ATOSA: variants seen among roughly 807,000 people sequenced by gnomAD.
ATOSA encodes the protein atos homolog A.
chr15:52,610,577 T>C, the ATOSA span, among the ~76,000 whole-genome samples: 1 of 152,240 alleles, frequency 6.6e-6, no homozygotes, highest in Non-Finnish European at 1.5e-5. Context: ...TAGCTTATGC[T>C]TGGAAGAGAT....
the ATOSA span, among the ~76,000 whole-genome samples, chr15:52,632,720 G>T: frequency 2.6e-5 from 4 of 152,106 alleles, no homozygotes; most frequent in African/African-American, 9.7e-5. Context: ...ATGGTCAGAA[G>T]ACATTCTTAG....
chr15:52,653,531 C>A, the ATOSA span, among the ~76,000 whole-genome samples: 4 of 152,078 alleles, frequency 2.6e-5, no homozygotes, highest in African/African-American at 9.7e-5. Flanking sequence ...GTAGGTGACT[C>A]AGAGAAAGAA....
the ATOSA span, chr15:52,584,772 C>T: frequency 4.3e-6 from 7 of 1,613,364 alleles, no homozygotes; most frequent in Non-Finnish European, 5.9e-6. Flanking sequence ...GCGTAATAAC[C>T]GTTCTTCTGT....
At chr15:52,669,000 G>A in the ATOSA span, among the ~76,000 whole-genome samples, 1 of 151,706 alleles carries the variant, frequency 6.6e-6, no homozygotes, top group Middle Eastern at 3.4e-3. Context: ...CCGCCTCCCC[G>A]GTTCACGCCA....
At chr15:52,706,303 C>G in the ATOSA span, among the ~76,000 whole-genome samples, 9 of 152,134 alleles carry the variant, frequency 5.9e-5, no homozygotes, top group African/African-American at 2.2e-4. Context: ...AGAACTAATC[C>G]AACCAATTTG....
chr15:52,615,232 T>C, the ATOSA span, among the ~76,000 whole-genome samples: 65 of 152,086 alleles, frequency 4.3e-4, no homozygotes, highest in Non-Finnish European at 5.1e-4. Context: ...AATCTGTGGA[T>C]TTTTTTCACG....
At chr15:52,590,593 G>A in the ATOSA span, 1 of 152,302 alleles carries the variant, frequency 6.6e-6, no homozygotes, top group African/African-American at 2.4e-5. Context: ...TATTATAAGA[G>A]TAACAAGTGT....
At chr15:52,630,284 A>T in the ATOSA span, among the ~76,000 whole-genome samples, 1 of 152,230 alleles carries the variant, frequency 6.6e-6, no homozygotes, top group Non-Finnish European at 1.5e-5. Context: ...CACAGGCATT[A>T]CGAAGGTTCC....
the ATOSA span, chr15:52,593,602 A>T: frequency 6.4e-7 from 1 of 1,573,880 alleles, no homozygotes; most frequent in Non-Finnish European, 8.6e-7. Flanking sequence ...GAGCATTGTC[A>T]TCTGAAACAC....
At chr15:52,651,191 C>G in the ATOSA span, among the ~76,000 whole-genome samples, 1 of 152,116 alleles carries the variant, frequency 6.6e-6, no homozygotes, top group African/African-American at 2.4e-5. Context: ...TGTATGTTGT[C>G]TTCAAAATCC....
the ATOSA span, among the ~76,000 whole-genome samples, chr15:52,642,901 C>G: frequency 4.1e-4 from 63 of 152,300 alleles, no homozygotes; most frequent in Non-Finnish European, 2.9e-5. Context: ...CTACTGGGCT[C>G]AAATCATCTT....
At chr15:52,651,796 C>T in the ATOSA span, 3 of 1,420,400 alleles carry the variant, frequency 2.1e-6, no homozygotes, top group Non-Finnish European at 1.9e-6. Flanking sequence ...GCAAGCACCA[C>T]AGCCAACTGG....
the ATOSA span, among the ~76,000 whole-genome samples, chr15:52,666,680 C>T: frequency 2.0e-5 from 3 of 152,260 alleles, no homozygotes; most frequent in East Asian, 5.8e-4. Context: ...AGTGTTCATT[C>T]AACACTAAAC....
the ATOSA span, chr15:52,709,622 C>G: frequency 6.5e-6 from 1 of 152,684 alleles, no homozygotes; most frequent in African/African-American, 2.4e-5. Flanking sequence ...CCTGCACTTG[C>G]TAGCCCCTTT....
the ATOSA span, among the ~76,000 whole-genome samples, chr15:52,588,049 G>C: frequency 1.3e-5 from 2 of 152,216 alleles, no homozygotes; most frequent in African/African-American, 4.8e-5. Flanking sequence ...CATGTCACTA[G>C]AGAAGTCTAA....
chr15:52,655,614 G>T, the ATOSA span, among the ~76,000 whole-genome samples: 1 of 152,146 alleles, frequency 6.6e-6, no homozygotes, highest in Non-Finnish European at 1.5e-5. Context: ...TTGGTATGTT[G>T]TAAGGATAAA....
chr15:52,660,879 C>T, the ATOSA span, among the ~76,000 whole-genome samples: 276 of 152,310 alleles, frequency 1.8e-3, 4 homozygotes, highest in Non-Finnish European at 1.5e-3. Flanking sequence ...GTCTCAAACT[C>T]CCAACCTCAG....
chr15:52,622,437 T>G, the ATOSA span, among the ~76,000 whole-genome samples: 1 of 152,190 alleles, frequency 6.6e-6, no homozygotes, highest in Non-Finnish European at 1.5e-5. Context: ...AACCACTATG[T>G]AGACTTCATT....
the ATOSA span, among the ~76,000 whole-genome samples, chr15:52,674,724 C>T: frequency 1.8e-3 from 270 of 152,024 alleles, 2 homozygotes; most frequent in African/African-American, 6.2e-3. Flanking sequence ...AACAAAATAG[C>T]ATTAGGTTAT....
Sources: gnomAD v4.1 joint callset for allele counts (sites outside exome capture counted in the v4.1 genomes callset) on GRCh38, gnomAD v4.1.1 for gene constraint, MANE v1.5 for transcripts, NCBI Gene and HGNC (gene_info 2026-07-23, HGNC 2026-07-21) for gene names.